ORC5: variants seen among roughly 807,000 people sequenced by gnomAD.
ORC5 encodes the protein origin recognition complex subunit 5.
ORC5 carries 39 observed loss-of-function variants against 58.8 expected under a neutral mutation model. That is an observed-to-expected ratio of 0.66 (90% CI 0.51 to 0.87). ORC5 has a LOEUF of 0.87. Ranked by LOEUF, ORC5 falls within the 40% of genes least tolerant of loss-of-function variation. ORC5 has a pLI of 0.00. For synonymous variants in ORC5, 218 were observed against 177.6 expected (o/e 1.23, Z -1.81); for missense variants, 493 against 506.3 (o/e 0.97, Z 0.25).
intron 2 of ORC5, among the ~76,000 whole-genome samples, chr7:104,203,825 A>G (rs1315572078): frequency 6.6e-6 from 1 of 152,216 alleles, no homozygotes; most frequent in Non-Finnish European, 1.5e-5. Flanking sequence ...TGGAAAAAAA[A>G]CAATGGTAAA....
At chr7:104,134,913 C>T (rs1798566270) in intron 13 of ORC5, among the ~76,000 whole-genome samples, 1 of 151,892 alleles carries the variant, frequency 6.6e-6, no homozygotes, top group Admixed American at 6.6e-5. Flanking sequence ...TGGATATTGC[C>T]CATGGGAAGT....
chr7:104,140,128 T>C (rs182117729), intron 12 of ORC5, among the ~76,000 whole-genome samples: 81 of 152,284 alleles, frequency 5.3e-4, no homozygotes, highest in South Asian at 2.3e-3. Context: ...CTGTTACTTT[T>C]CATGATTCTA....
chr7:104,197,583 T>C, intron 4 of ORC5, 142 bp downstream of exon 4: 1 of 536,058 alleles, frequency 1.9e-6, no homozygotes, highest in Non-Finnish European at 3.3e-6. Flanking sequence ...AAAAAAACAC[T>C]GAGCTTTACT....
rs193172074 is a variant in ORC5 at position 104,156,710 on chromosome 7, T to C, written c.1149+4362A>G. Among the ~76,000 whole-genome samples, 45 of 151,912 alleles carry C rather than the reference T, an allele frequency of 3.0e-4. 1 individual carries two copies. Among genetic ancestry groups the C allele is most frequent in the African/African-American group, 1.1e-3 (45 of 41,534 alleles). ...AGGTGAATACAAAAATAATACATGA[T>C]CATCTCATATAGACACATTATAACT... On this transcript the variant is annotated intron_variant, in intron 12 of 13. Transcript: ENST00000297431.
Position 104,204,157 on chromosome 7 carries a change from C to T in ORC5, c.150G>A (p.Leu50=). 1 of 1,570,854 alleles carries T rather than the reference C, an allele frequency of 6.4e-7. No homozygotes were observed. Among genetic ancestry groups the T allele is most frequent in the Non-Finnish European group, 8.7e-7 (1 of 1,151,476 alleles). Residue 50 remains leucine, a synonymous_variant, in exon 2 of 14, where the codon TTG becomes TTA. Coordinates refer to ENST00000297431, the MANE Select transcript of ORC5 (RefSeq NM_002553.4). ...TTATTCTTACCTCTAAAGTTTTCAACAACGTTTGTGTTACATAGGTCTTTC... is the reference window on the plus strand; with the variant it reads ...TTATTCTTACCTCTAAAGTTTTCAATAACGTTTGTGTTACATAGGTCTTTC... The part of the protein sequence containing the change: ...ASGKTYVTQT[L]LKTLELPHVF...
chr7:104,184,814 AG>A (rs1294913952), intron 6 of ORC5, among the ~76,000 whole-genome samples: 3 of 152,180 alleles, frequency 2.0e-5, no homozygotes, highest in Non-Finnish European at 4.4e-5. Flanking sequence ...AAGAGACTTG[AG>A]GGTCTGACAC....
intron 3 of ORC5, among the ~76,000 whole-genome samples, chr7:104,198,805 C>T (rs1799861572): frequency 6.6e-6 from 1 of 152,228 alleles, no homozygotes; most frequent in African/African-American, 2.4e-5. Flanking sequence ...CTTCACGTGG[C>T]AGCCCATCCC....
At chr7:104,140,790 T>G (rs554259347) in intron 12 of ORC5, among the ~76,000 whole-genome samples, 1 of 152,250 alleles carries the variant, frequency 6.6e-6, no homozygotes, top group South Asian at 2.1e-4. Context: ...TGAGGTAGGG[T>G]GCAACAAGAG....
chr7:104,152,706 G>T (rs1798865777), intron 12 of ORC5, among the ~76,000 whole-genome samples: 1 of 152,016 alleles, frequency 6.6e-6, no homozygotes, highest in Admixed American at 6.6e-5. Context: ...ATTTATTGGG[G>T]TTTAATATAT....
intron 12 of ORC5, among the ~76,000 whole-genome samples, chr7:104,152,527 CTCT>C (rs1167208093): frequency 1.3e-5 from 2 of 152,112 alleles, no homozygotes; most frequent in East Asian, 3.9e-4. Flanking sequence ...CTTATTAAAA[CTCT>C]TCTCATTTAA....
At chr7:104,154,229 A>C (rs917648509) in intron 12 of ORC5, among the ~76,000 whole-genome samples, 14 of 152,192 alleles carry the variant, frequency 9.2e-5, no homozygotes, top group Admixed American at 8.5e-4. Context: ...TGTCATAACT[A>C]AATTTAATTG....
rs1393923375 is a variant in ORC5 at position 104,188,277 on chromosome 7, G to A, written c.658C>T (p.Arg220Ter). 3.1e-6 allele frequency: 5 copies of A among 1,611,376 alleles called. No individual in the cohort carries two copies. The highest frequency in any genetic ancestry group is 4.2e-6 in the Non-Finnish European group (5 of 1,178,778). The change falls in exon 6 of 14, where the codon CGA (arginine) becomes TGA (stop). Residue 220 changes from arginine to a stop codon, truncating the protein, a stop_gained. Transcript: ENST00000297431. LOFTEE classifies it high-confidence loss of function. ...ILLGVFYTVCRDLKELRHLAV... is the reference protein window; with the variant it reads ...ILLGVFYTVC ...AGATGTCTGAGCTCTTTCAAATCTC[G>A]ACAAACAGTGTAGAAAACTCCAAGA... is the stretch of plus-strand genomic sequence containing the variant.
chr7:104,136,685 T>C lies in ORC5; in HGVS notation c.1262+96A>G, dbSNP rs1468478869. 3 of 757,974 alleles carry C rather than the reference T, an allele frequency of 4.0e-6. No individual in the cohort carries two copies. The highest frequency in any genetic ancestry group is 4.3e-5 in the Admixed American group (2 of 46,774). The allele number at this position is 757,974 out of a possible 1,614,324, so 47.0% of individuals were successfully genotyped here. A position where few individuals can be genotyped will look rare whatever the true frequency, so the allele number is the denominator to read the frequency against. ...TCATTCTTGGCACTTAAATAGATGA[T>C]TTTTTCATGTTTAAATGTCATGACT... On this transcript the variant is annotated intron_variant, in intron 13 of 13. Transcript: ENST00000297431. This position sits in a 1 kb window ranked among gnomAD's most constrained non-coding sequence, Gnocchi z 4.2.
At chr7:104,152,666 G>A (rs1314076759) in intron 12 of ORC5, among the ~76,000 whole-genome samples, 1 of 151,926 alleles carries the variant, frequency 6.6e-6, no homozygotes, top group African/African-American at 2.4e-5. Context: ...TTTGTGTGTT[G>A]TCAGCTAAAA....
In ORC5 at chr7:104,192,767, T is replaced by G. The variant is rs180832780; in HGVS notation, c.553+2376A>C. Among the ~76,000 whole-genome samples, 57 of 151,810 alleles carry G rather than the reference T, an allele frequency of 3.8e-4. 1 individual carries two copies. In the East Asian group the frequency reaches 0.01, roughly 27 times the overall value. ...AAAATTAAAACAACTATCATAAGTATGCTCATATGCTCAAGGATACAAAAG... is the reference window on the plus strand; with the variant it reads ...AAAATTAAAACAACTATCATAAGTAGGCTCATATGCTCAAGGATACAAAAG... On this transcript the variant is annotated intron_variant, in intron 5 of 13. Coordinates refer to ENST00000297431, the MANE Select transcript of ORC5 (RefSeq NM_002553.4).
chr7:104,199,274 G>C (rs1392097336), intron 3 of ORC5, among the ~76,000 whole-genome samples: 1 of 152,218 alleles, frequency 6.6e-6, no homozygotes, highest in Non-Finnish European at 1.5e-5. Flanking sequence ...GCATGGAAAA[G>C]CCACAGATAC....
At chr7:104,157,598 T>A (rs1016918734) in intron 12 of ORC5, among the ~76,000 whole-genome samples, 2 of 152,140 alleles carry the variant, frequency 1.3e-5, no homozygotes, top group African/African-American at 4.8e-5. Flanking sequence ...CCACGAAGAC[T>A]GCGGACATTG....
At chr7:104,161,208 G>A in intron 11 of ORC5, 26 bp from the exon 12 acceptor site, 1 of 1,282,250 alleles carries the variant, frequency 7.8e-7, no homozygotes, top group East Asian at 2.3e-5. Flanking sequence ...CAAAAACATG[G>A]ATTTTCTTCT....
intron 3 of ORC5, among the ~76,000 whole-genome samples, chr7:104,200,242 G>T (rs1461479225): frequency 6.6e-6 from 1 of 152,072 alleles, no homozygotes; most frequent in Non-Finnish European, 1.5e-5. Flanking sequence ...CACTCCCTAA[G>T]AAATTAAATG....
Sources: gnomAD v4.1 joint callset for allele counts (sites outside exome capture counted in the v4.1 genomes callset) on GRCh38, gnomAD v4.1.1 for gene constraint, Gnocchi (gnomAD v3.1) non-coding constraint, MANE v1.5 for transcripts, NCBI Gene and HGNC (gene_info 2026-07-23, HGNC 2026-07-21) for gene names.